Variants in RNASE10 observed in about 807,000 individuals in gnomAD.
RNASE10 encodes the protein inactive ribonuclease-like protein 10.
RNASE10 carries 2 observed loss-of-function variants against 1.1 expected under a neutral mutation model. That is an observed-to-expected ratio of 1.82 (90% CI 0.74 to 5.73). The LOEUF (loss-of-function observed/expected upper bound fraction) is 5.73. Among genes scored for constraint, RNASE10 ranks in the 30% most tolerant of loss-of-function variants. The pLI is 0.05. For synonymous variants in RNASE10, 97 were observed against 96.2 expected, an observed-to-expected ratio of 1.01 and a Z score of -0.05; for missense variants, 276 against 263.4, an observed-to-expected ratio of 1.05 and a Z score of -0.33.
exon 2 of RNASE10, chr14:20,510,647 G>C (rs1338087171): frequency 6.2e-6 from 10 of 1,614,232 alleles, no homozygotes; most frequent in Non-Finnish European, 7.6e-6. Flanking sequence ...ACTGAGGAGG[G>C]AGACGGCACC....
At chr14:20,507,623 T>A (rs1323783858) in intron 1 of RNASE10, among the ~76,000 whole-genome samples, 8,278 of 136,962 alleles carry the variant, frequency 0.06, 592 homozygotes, top group African/African-American at 0.16. Flanking sequence ...AAAAAATAAA[T>A]AAATAAATAA....
intron 1 of RNASE10, among the ~76,000 whole-genome samples, chr14:20,507,133 A>T (rs1207877817): frequency 2.0e-5 from 3 of 148,026 alleles, no homozygotes; most frequent in African/African-American, 7.6e-5. Flanking sequence ...CTCATTGGGG[A>T]TGGGCCATGA....
intron 1 of RNASE10, among the ~76,000 whole-genome samples, chr14:20,507,891 A>AC (rs1882792482): frequency 6.6e-6 from 1 of 151,898 alleles, no homozygotes; most frequent in African/African-American, 2.4e-5. Flanking sequence ...GGAACTGAAG[A>AC]CACACGCCAC....
At chr14:20,511,150 C>A in exon 2 of RNASE10, 1 of 1,425,012 alleles carries the variant, frequency 7.0e-7, no homozygotes, top group Non-Finnish European at 9.3e-7. Flanking sequence ...TTTCTCTTCA[C>A]CTTCTCCTGT....
exon 2 of RNASE10, chr14:20,510,766 G>C: frequency 6.2e-7 from 1 of 1,614,198 alleles, no homozygotes; most frequent in South Asian, 1.1e-5. Context: ...GATGCTCAGA[G>C]CCTCAGCTCT....
intron 1 of RNASE10, among the ~76,000 whole-genome samples, chr14:20,506,278 C>G (rs1359889104): frequency 8.0e-6 from 1 of 125,274 alleles, no homozygotes; most frequent in African/African-American, 3.2e-5. Flanking sequence ...AGGAGCCCAT[C>G]TGCCCGGCCA....
downstream of RNASE10, among the ~76,000 whole-genome samples, chr14:20,513,685 T>G (rs927160459): frequency 6.6e-6 from 1 of 152,234 alleles, no homozygotes; most frequent in Non-Finnish European, 1.5e-5. Context: ...TCACTGTGTT[T>G]TGTTATGAGT....
chr14:20,511,085 G>A (rs1206894037), exon 2 of RNASE10: 1 of 1,502,608 alleles, frequency 6.7e-7, no homozygotes, highest in South Asian at 1.4e-5. Flanking sequence ...ATTATAACCT[G>A]TAATGACATG....
chr14:20,506,507 GC>G (rs1882724622), intron 1 of RNASE10, among the ~76,000 whole-genome samples: 1 of 123,332 alleles, frequency 8.1e-6, no homozygotes, highest in Non-Finnish European at 1.7e-5. Context: ...TCAGCCCCCC[GC>G]CCGGCCAGCC....
At chr14:20,506,794 C>A (rs1396703575) in intron 1 of RNASE10, among the ~76,000 whole-genome samples, 4 of 128,932 alleles carry the variant, frequency 3.1e-5, no homozygotes, top group African/African-American at 1.2e-4. Flanking sequence ...CGGCCAGCCG[C>A]CCCGTCCGGG....
At chr14:20,512,413 G>A (rs768100482), downstream of RNASE10, among the ~76,000 whole-genome samples, 13 of 152,168 alleles carry the variant, frequency 8.5e-5, no homozygotes, top group East Asian at 5.8e-4. Flanking sequence ...AGGATTCACC[G>A]TGTGACTGAA....
intron 1 of RNASE10, among the ~76,000 whole-genome samples, chr14:20,507,085 G>C (rs1471601032): frequency 6.6e-6 from 1 of 150,536 alleles, no homozygotes; most frequent in East Asian, 1.9e-4. Context: ...GAGCCCCTCT[G>C]CCCGGCCAGG....
intron 1 of RNASE10, among the ~76,000 whole-genome samples, chr14:20,507,656 CAAAT>C (rs1882787159): frequency 6.7e-6 from 1 of 150,148 alleles, no homozygotes; most frequent in African/African-American, 2.5e-5. Context: ...ACTTTACAAA[CAAAT>C]GTGATAATAA....
chr14:20,506,551 C>T (rs1293312708), intron 1 of RNASE10, among the ~76,000 whole-genome samples: 1 of 116,354 alleles, frequency 8.6e-6, no homozygotes, highest in Admixed American at 8.2e-5. Flanking sequence ...CGCCTCTGCC[C>T]GGCCGCCCCT....
chr14:20,513,425 A>T (rs1452554633), downstream of RNASE10, among the ~76,000 whole-genome samples: 2 of 152,076 alleles, frequency 1.3e-5, no homozygotes, highest in Admixed American at 6.6e-5. Context: ...CATTCACAAG[A>T]CTTTCACCGA....
chr14:20,505,213 A>G (rs1882658934), upstream of RNASE10, among the ~76,000 whole-genome samples: 1 of 143,594 alleles, frequency 7.0e-6, no homozygotes, highest in Non-Finnish European at 1.5e-5. Context: ...GTGTTTAGAA[A>G]CCCCAAAAGA....
intron 1 of RNASE10, among the ~76,000 whole-genome samples, chr14:20,507,007 G>A (rs1384263295): frequency 1.3e-5 from 2 of 150,074 alleles, no homozygotes; most frequent in African/African-American, 5.0e-5. Context: ...TCAGCCCCCC[G>A]CCCGGCCAGC....
chr14:20,512,446 A>G (rs532867066), downstream of RNASE10, among the ~76,000 whole-genome samples: 2 of 152,326 alleles, frequency 1.3e-5, no homozygotes, highest in Non-Finnish European at 2.9e-5. Context: ...CTTCCCCTAG[A>G]GTTTTTCTCT....
chr14:20,507,043 C>T (rs1189917524), intron 1 of RNASE10, among the ~76,000 whole-genome samples: 25 of 151,006 alleles, frequency 1.7e-4, no homozygotes, highest in African/African-American at 5.6e-4. Flanking sequence ...GTGAGGGGCG[C>T]CTCTGCCCGG....
Sources: gnomAD v4.1 joint callset for allele counts (sites outside exome capture counted in the v4.1 genomes callset) on GRCh38, gnomAD v4.1.1 for gene constraint, MANE v1.5 for transcripts, NCBI Gene and HGNC (gene_info 2026-07-23, HGNC 2026-07-21) for gene names.